The following MEI4 variants were observed in gnomAD, a reference collection of about 807,000 sequenced individuals.
MEI4 encodes the protein meiotic double-stranded break formation protein 4, also known as meiosis-specific protein MEI4.
In MEI4, 27 loss-of-function variants were observed where a neutral mutation model predicts 31.4. The observed-to-expected ratio is 0.86, with a 90% confidence interval of 0.63 to 1.19. MEI4 has a LOEUF of 1.19. Among genes scored for constraint, MEI4 ranks in the 50% most tolerant of loss-of-function variants. The pLI, the probability that MEI4 is intolerant of heterozygous loss-of-function variation, is 0.00. For missense variants in MEI4, 329 were observed against 398.9 expected (o/e 0.82, Z 1.49); for synonymous variants, 122 against 145.4 (o/e 0.84, Z 1.16).
chr6:77,698,030 T>G (rs1163589036), intron 2 of MEI4, among the ~76,000 whole-genome samples: 1 of 152,194 alleles, frequency 6.6e-6, no homozygotes, highest in Non-Finnish European at 1.5e-5. Flanking sequence ...ATGGTCTTCT[T>G]TGTGTCTTTT....
At chr6:77,791,527 G>T (rs1421756372) in intron 3 of MEI4, among the ~76,000 whole-genome samples, 1 of 128,000 alleles carries the variant, frequency 7.8e-6, no homozygotes, top group Non-Finnish European at 1.6e-5. Context: ...TCTGGCGACT[G>T]TTGTGGGGTG....
chr6:77,782,642 TAGAA>T (rs772980689), intron 3 of MEI4, among the ~76,000 whole-genome samples: 1 of 152,222 alleles, frequency 6.6e-6, no homozygotes, highest in Non-Finnish European at 1.5e-5. Context: ...GGATGCAACT[TAGAA>T]AGCAATGAGA....
intron 1 of MEI4, among the ~76,000 whole-genome samples, chr6:77,653,481 C>T (rs886208721): frequency 6.6e-6 from 1 of 152,118 alleles, no homozygotes; most frequent in Non-Finnish European, 1.5e-5. Context: ...GAATAAGCAT[C>T]CACTCATATA....
At chr6:77,878,232 C>G (rs116476158) in intron 4 of MEI4, among the ~76,000 whole-genome samples, 1 of 151,906 alleles carries the variant, frequency 6.6e-6, no homozygotes, top group Non-Finnish European at 1.5e-5. Flanking sequence ...AAAAAAACCT[C>G]TTGATATTAA....
intron 1 of MEI4, among the ~76,000 whole-genome samples, chr6:77,672,234 C>T (rs116631560): frequency 2.0e-5 from 3 of 152,202 alleles, no homozygotes; most frequent in Non-Finnish European, 4.4e-5. Flanking sequence ...GAATTATTGA[C>T]ACATGCTTTT....
At position 77,925,757 on chromosome 6, in the gene MEI4, TAATA is replaced by T. The variant is rs926775900; in HGVS notation, c.*2416_*2419del. 1.7e-4 allele frequency: 25 copies of T among 148,652 alleles called. No homozygotes were observed. The highest frequency in any genetic ancestry group is 5.6e-4 in the African/African-American group (23 of 40,892). 9.2% of individuals were successfully genotyped at this position (148,652 alleles called of 1,614,324 possible). On this transcript the variant is annotated 3_prime_UTR_variant, in exon 5 of 5. Transcript: ENST00000684080. Reference sequence around the variant, plus strand: ...CTCTTATACTATTTAATATAAGCTATAATAAATATATGATAATATATTTTATATG... The same window carrying T: ...CTCTTATACTATTTAATATAAGCTATAATATATGATAATATATTTTATATG...
At position 77,925,610 on chromosome 6, in the gene MEI4, G is replaced by A. The variant is rs1330639216; in HGVS notation, c.*2264G>A. ...TAGAATTAAGGTTTTAGGGATAAGA[G>A]TAATGGAGTCAGTAGTAATTGGGCA... is the stretch of plus-strand genomic sequence containing the variant. On this transcript the variant is annotated 3_prime_UTR_variant, in exon 5 of 5. Coordinates refer to ENST00000684080, the MANE Select transcript of MEI4 (RefSeq NM_001322247.2). The A allele has an allele frequency of 1.3e-5, 2 of 151,464 alleles. No individual in the cohort carries two copies. The highest frequency in any genetic ancestry group is 3.0e-5 in the Non-Finnish European group (2 of 67,792). 9.4% of individuals were successfully genotyped at this position (151,464 alleles called of 1,614,324 possible).
intron 2 of MEI4, among the ~76,000 whole-genome samples, chr6:77,732,630 G>A (rs2127668445): frequency 6.9e-6 from 1 of 145,040 alleles, no homozygotes; most frequent in Admixed American, 6.9e-5. Context: ...TCCTTCTCCT[G>A]CCTAATTGCC....
chr6:77,757,167 G>C lies in MEI4; in HGVS notation c.233-3963G>C, dbSNP rs532791630. On this transcript the variant is annotated intron_variant, in intron 2 of 4. Transcript: ENST00000684080. ...AGAGATCAAAATAACATATCTTTCA[G>C]GGTTTTTGTGAATATCAGTTGAATT... is the stretch of plus-strand genomic sequence containing the variant. 2.0e-5 allele frequency among the ~76,000 whole-genome samples: 3 copies of C among 152,236 alleles called. No individual in the cohort carries two copies. The East Asian group carries it at 5.8e-4, about 29-fold the overall frequency.
At chr6:77,727,949 C>T (rs1387577616) in intron 2 of MEI4, among the ~76,000 whole-genome samples, 1 of 152,182 alleles carries the variant, frequency 6.6e-6, no homozygotes, top group Non-Finnish European at 1.5e-5. Flanking sequence ...ATGCTTGACT[C>T]TCTATCAGAC....
chr6:77,694,961 G>T (rs1765978657), intron 2 of MEI4, among the ~76,000 whole-genome samples: 1 of 151,558 alleles, frequency 6.6e-6, no homozygotes, highest in African/African-American at 2.4e-5. Flanking sequence ...CATTCTAACT[G>T]GTGTGAGATG....
chr6:77,765,050 C>G (rs1266694036), intron 3 of MEI4, among the ~76,000 whole-genome samples: 1 of 152,146 alleles, frequency 6.6e-6, no homozygotes, highest in Non-Finnish European at 1.5e-5. Context: ...GCACAGTGAT[C>G]AATAGCTCGA....
At chr6:77,846,044 CAA>C (rs1373094223) in intron 4 of MEI4, among the ~76,000 whole-genome samples, 6 of 151,814 alleles carry the variant, frequency 4.0e-5, no homozygotes, top group Non-Finnish European at 7.4e-5. Flanking sequence ...GTGAATTTCT[CAA>C]AATTTTTCAT....
At chr6:77,748,723 T>G (rs1348531823) in intron 2 of MEI4, among the ~76,000 whole-genome samples, 1 of 152,230 alleles carries the variant, frequency 6.6e-6, no homozygotes, top group African/African-American at 2.4e-5. Flanking sequence ...TTCTAAGACA[T>G]GGTCAGGCTG....
chr6:77,711,643 G>C (rs1413973948), intron 2 of MEI4, among the ~76,000 whole-genome samples: 1 of 152,114 alleles, frequency 6.6e-6, no homozygotes, highest in Non-Finnish European at 1.5e-5. Context: ...GTTTGGACTT[G>C]GGCTCTTCGA....
At position 77,818,305 on chromosome 6, in the gene MEI4, C is replaced by T. The variant is rs2127707359; in HGVS notation, c.769-10626C>T. 2.6e-5 allele frequency among the ~76,000 whole-genome samples: 4 copies of T among 151,900 alleles called. No homozygotes were observed. In the South Asian group the frequency reaches 8.3e-4, roughly 32 times the overall value. On this transcript the variant is annotated intron_variant, in intron 3 of 4. Transcript: ENST00000684080. ...GTAGAGAATCTTTCAAAATAGAAGCCCTATTTTGCATATCTTTTTATAAGG... is the reference window on the plus strand; with the variant it reads ...GTAGAGAATCTTTCAAAATAGAAGCTCTATTTTGCATATCTTTTTATAAGG...
chr6:77,905,776 G>A (rs1254059712), intron 4 of MEI4, among the ~76,000 whole-genome samples: 13 of 149,258 alleles, frequency 8.7e-5, no homozygotes, highest in East Asian at 3.9e-4. Flanking sequence ...GATTACAGGC[G>A]TGAGCCACTG....
rs146175300 is a variant in MEI4 at position 77,747,251 on chromosome 6, G to A, written c.233-13879G>A. Among the ~76,000 whole-genome samples, 962 of 152,210 alleles carry A rather than the reference G, an allele frequency of 6.3e-3. 20 individuals are homozygous for A. The highest frequency in any genetic ancestry group is 0.042 in the Admixed American group (645 of 15,278). ...CACTTGAACCCAGGAAGCAGAGATT[G>A]TAGTGAGCCGAGATTGTGCCACTGC... On this transcript the variant is annotated intron_variant, in intron 2 of 4. Coordinates refer to ENST00000684080, the MANE Select transcript of MEI4 (RefSeq NM_001322247.2).
chr6:77,789,952 A>G (rs972191707), intron 3 of MEI4, among the ~76,000 whole-genome samples: 4 of 152,140 alleles, frequency 2.6e-5, no homozygotes, highest in African/African-American at 9.7e-5. Flanking sequence ...AGACACATGC[A>G]CACGTATGTT....
Sources: allele counts gnomAD v4.1 joint callset (sites outside exome capture counted in the v4.1 genomes callset), GRCh38; gene constraint gnomAD v4.1.1; transcripts MANE v1.5; gene names NCBI Gene and HGNC (gene_info 2026-07-23, HGNC 2026-07-21).